The following ADGRG6 variants were observed in gnomAD, a reference collection of about 807,000 sequenced individuals.
ADGRG6 encodes the protein adhesion G protein-coupled receptor G6, also known as G-protein coupled receptor 126.
ADGRG6 carries 84 observed loss-of-function variants against 142.4 expected under a neutral mutation model. The ratio of observed to expected loss-of-function variants is 0.59; its 90% CI spans 0.49 to 0.71. ADGRG6 has a LOEUF of 0.71. Among genes scored for constraint, ADGRG6 ranks in the 30% least tolerant of loss-of-function variants. ADGRG6 has a pLI of 0.00. For missense variants in ADGRG6, 1,367 were observed against 1,466.6 expected (o/e 0.93, Z 1.11); for synonymous variants, 521 against 520.5 (o/e 1.00, Z -0.01).
At chr6:142,409,727 C>T (rs1344073714) in intron 16 of ADGRG6, 147 bp from the exon 17 acceptor site, 1 of 488,642 alleles carries the variant, frequency 2.0e-6, no homozygotes, top group African/African-American at 2.0e-5. Flanking sequence ...AGAAGATCCC[C>T]CTAAATTGCC....
rs181573171 is a variant in ADGRG6, at chr6:142,372,186, G to A, written c.1069+1393G>A. ...CCATTTACACAAGTTAATTCTGGAA[G>A]CCTTTATTTTATTATAGGACTGATT... On this transcript the variant is annotated intron_variant, in intron 4 of 24. Coordinates refer to ENST00000367609, the MANE Select transcript of ADGRG6 (RefSeq NM_198569.3). Among the ~76,000 whole-genome samples the A allele has an allele frequency of 3.7e-4, 56 of 152,246 alleles. No homozygotes were observed. In the East Asian group the frequency reaches 8.9e-3, roughly 24 times the overall value.
chr6:142,316,576 T>C (rs933679775), intron 2 of ADGRG6, among the ~76,000 whole-genome samples: 2 of 152,188 alleles, frequency 1.3e-5, no homozygotes, highest in African/African-American at 4.8e-5. Flanking sequence ...AGTTCCTTTC[T>C]TCTGTCCTTC....
At chr6:142,348,157 A>T (rs1779995593) in intron 2 of ADGRG6, among the ~76,000 whole-genome samples, 1 of 152,138 alleles carries the variant, frequency 6.6e-6, no homozygotes, top group African/African-American at 2.4e-5. Flanking sequence ...TTTGAGAATC[A>T]TCATACCGCC....
chr6:142,367,048 G>T (rs1780973618), intron 2 of ADGRG6, among the ~76,000 whole-genome samples: 1 of 151,968 alleles, frequency 6.6e-6, no homozygotes, highest in Admixed American at 6.6e-5. Flanking sequence ...TTATTTTTTT[G>T]TATTGATAGC....
intron 2 of ADGRG6, among the ~76,000 whole-genome samples, chr6:142,323,831 T>C (rs1199670609): frequency 6.6e-6 from 1 of 152,070 alleles, no homozygotes; most frequent in Admixed American, 6.6e-5. Context: ...CACTATCATA[T>C]ATTTGGTCTG....
intron 13 of ADGRG6, 34 bp downstream of exon 13, chr6:142,402,864 T>C: frequency 8.9e-7 from 1 of 1,129,050 alleles, no homozygotes; most frequent in Non-Finnish European, 1.3e-6. Flanking sequence ...GAGTAAATTT[T>C]ATTGGATAAT....
At position 142,402,741 on chromosome 6, in the gene ADGRG6, C is replaced by T. The variant is rs756707921; in HGVS notation, c.1866C>T (p.Asn622=). The T allele has an allele frequency of 3.8e-6, 6 of 1,596,966 alleles. No homozygotes were observed. The highest frequency in any genetic ancestry group is 4.3e-6 in the Non-Finnish European group (5 of 1,165,086). The change falls in exon 13 of 25, where the codon AAC becomes AAT. Residue 622 remains asparagine (N), a synonymous_variant. Coordinates refer to ENST00000367609, the MANE Select transcript of ADGRG6 (RefSeq NM_198569.3). Reference sequence around the variant, plus strand: ...AAAGAATTGTGAATAAAGAAGAAAACATTGATATAACACTTGGCTCAACTC... The same window carrying T: ...AAAGAATTGTGAATAAAGAAGAAAATATTGATATAACACTTGGCTCAACTC... ...QVKRIVNKEE[N]IDITLGSTLM...
At chr6:142,342,473 A>C (rs999005213) in intron 2 of ADGRG6, among the ~76,000 whole-genome samples, 1 of 152,080 alleles carries the variant, frequency 6.6e-6, no homozygotes, top group Admixed American at 6.6e-5. Flanking sequence ...TTAGGAGATA[A>C]GATTCCTGCC....
In ADGRG6 at chr6:142,443,519, C is replaced by A. The variant is rs1562400182; in HGVS notation, c.*4C>A. 1.9e-6 allele frequency: 3 copies of A among 1,592,032 alleles called. No homozygotes were observed. Among genetic ancestry groups the A allele is most frequent in the Non-Finnish European group, 2.6e-6 (3 of 1,166,372 alleles). The stretch of plus-strand genomic sequence containing the variant: ...CAGCCACAGCACAAAGTTTTAATGT[C>A]TTTAAGAAAAAGAAATCAATCTGCA... On this transcript the variant is annotated 3_prime_UTR_variant, in exon 25 of 25. Transcript: ENST00000367609.
intron 14 of ADGRG6, among the ~76,000 whole-genome samples, chr6:142,404,413 G>T (rs1401557756): frequency 6.6e-6 from 1 of 152,056 alleles, no homozygotes; most frequent in East Asian, 1.9e-4. Context: ...GGCCGAGGTG[G>T]GTGGATCACT....
At chr6:142,349,911 C>T (rs553279494) in intron 2 of ADGRG6, among the ~76,000 whole-genome samples, 18 of 152,272 alleles carry the variant, frequency 1.2e-4, no homozygotes, top group East Asian at 9.7e-4. Flanking sequence ...TGTGGTTCCT[C>T]AAAATCCTTT....
At position 142,302,304 on chromosome 6, in the gene ADGRG6, G is replaced by A. The variant is rs1251447398; in HGVS notation, c.-26G>A. The A allele has an allele frequency of 8.1e-6, 13 of 1,612,076 alleles. No individual in the cohort carries two copies. The highest frequency in any genetic ancestry group is 1.1e-5 in the Non-Finnish European group (13 of 1,179,040). The stretch of plus-strand genomic sequence containing the variant: ...GGTGGAGGATGATCTTGCGGCCAAA[G>A]GGGACCTCGGCGCAGTAATGTCAAC... On this transcript the variant is annotated 5_prime_UTR_variant, in exon 1 of 25. Transcript: ENST00000367609.
chr6:142,433,740 T>C (rs980169320), intron 22 of ADGRG6, among the ~76,000 whole-genome samples: 1 of 152,208 alleles, frequency 6.6e-6, no homozygotes, highest in Non-Finnish European at 1.5e-5. Context: ...TTGATATTTA[T>C]TAATGCTTTT....
intron 2 of ADGRG6, among the ~76,000 whole-genome samples, chr6:142,362,024 C>A (rs1008394165): frequency 2.0e-5 from 3 of 152,116 alleles, no homozygotes; most frequent in African/African-American, 7.2e-5. Context: ...CTTTTGCAGT[C>A]AGGCATGGAA....
At chr6:142,443,011 A>G (rs1482035601) in intron 24 of ADGRG6, among the ~76,000 whole-genome samples, 1 of 152,156 alleles carries the variant, frequency 6.6e-6, no homozygotes, top group Non-Finnish European at 1.5e-5. Flanking sequence ...ATAATTTTGT[A>G]CATCTTTCAA....
At chr6:142,361,901 T>C (rs1005596345) in intron 2 of ADGRG6, among the ~76,000 whole-genome samples, 2 of 152,118 alleles carry the variant, frequency 1.3e-5, no homozygotes, top group African/African-American at 2.4e-5. Context: ...TACATATGCA[T>C]ACCCATGTGC....
At chr6:142,370,986 C>A in intron 4 of ADGRG6, 193 bp downstream of exon 4, 1 of 582,754 alleles carries the variant, frequency 1.7e-6, no homozygotes, top group African/African-American at 1.9e-5. Context: ...TTATAGCACA[C>A]ATTTGATTAT....
chr6:142,432,968 C>T (rs1019937905), intron 22 of ADGRG6, among the ~76,000 whole-genome samples: 1 of 152,168 alleles, frequency 6.6e-6, no homozygotes. Context: ...AACTAAAAAT[C>T]ATTTGCTAAA....
intron 7 of ADGRG6, among the ~76,000 whole-genome samples, chr6:142,391,518 A>G (rs1405181984): frequency 6.6e-6 from 1 of 151,634 alleles, no homozygotes; most frequent in African/African-American, 2.4e-5. Context: ...CTGATAGAAA[A>G]CAGTCTTCAT....
Sources: allele counts gnomAD v4.1 joint callset (sites outside exome capture counted in the v4.1 genomes callset), GRCh38; gene constraint gnomAD v4.1.1; transcripts MANE v1.5; gene names NCBI Gene and HGNC (gene_info 2026-07-23, HGNC 2026-07-21).